The following NELFCD variants were observed in gnomAD, a reference collection of about 807,000 sequenced individuals.
NELFCD encodes the protein negative elongation factor C/D.
In NELFCD, 48 loss-of-function variants were observed where a neutral mutation model predicts 72.9. The ratio of observed to expected loss-of-function variants is 0.66; its 90% CI spans 0.52 to 0.84. The LOEUF (loss-of-function observed/expected upper bound fraction) is 0.84. Among genes scored for constraint, NELFCD ranks in the 40% least tolerant of loss-of-function variants. The pLI, the probability that NELFCD is intolerant of heterozygous loss-of-function variation, is 0.00. For missense variants in NELFCD, 538 were observed against 723.8 expected, an observed-to-expected ratio of 0.74 and a Z score of 2.94; for synonymous variants, 297 against 280.6, an observed-to-expected ratio of 1.06 and a Z score of -0.59.
chr20:58,986,597 C>T lies in NELFCD; in HGVS notation c.177-157C>T. 2 of 683,736 alleles carry T rather than the reference C, an allele frequency of 2.9e-6. No individual in the cohort carries two copies. The highest frequency in any genetic ancestry group is 3.2e-5 in the South Asian group (2 of 62,022). The allele number at this position is 683,736 out of a possible 1,614,324, so 42.4% of individuals were successfully genotyped here. ...GGCTCAAGTGATTCTCCCACCTCTGCCTCCCAAAGTGCTGGGATTACAGGT... is the reference window on the plus strand; with the variant it reads ...GGCTCAAGTGATTCTCCCACCTCTGTCTCCCAAAGTGCTGGGATTACAGGT... On this transcript the variant is annotated intron_variant, in intron 2 of 14. Coordinates refer to ENST00000652272, the MANE Select transcript of NELFCD (RefSeq NM_198976.4). The surrounding 1 kb of genome is among the most constrained non-coding windows in gnomAD (Gnocchi z 4.4).
intron 10 of NELFCD, 93 bp from the exon 11 acceptor site, chr20:58,992,905 T>C (rs1343111111): frequency 1.0e-5 from 9 of 891,474 alleles, no homozygotes; most frequent in Non-Finnish European, 1.7e-5. Flanking sequence ...GATGGAGTCA[T>C]TTGAGTTTGT....
chr20:58,988,422 G>C (rs1461239772), intron 4 of NELFCD, among the ~76,000 whole-genome samples: 2 of 152,200 alleles, frequency 1.3e-5, no homozygotes, highest in Non-Finnish European at 1.5e-5. Flanking sequence ...TCTGTGGCTG[G>C]GAGCAGCCTC....
chr20:58,993,936 GAC>G lies in NELFCD; in HGVS notation c.1582-169_1582-168del. On this transcript the variant is annotated intron_variant, in intron 13 of 14. Coordinates refer to ENST00000652272, the MANE Select transcript of NELFCD (RefSeq NM_198976.4). This position sits in a 1 kb window ranked among gnomAD's most constrained non-coding sequence, Gnocchi z 5.0. The stretch of plus-strand genomic sequence containing the variant: ...CACCTTCTGCCTGCAGCAGCTGTAT[GAC>G]ACACTTTACCTCCATTACCACCCTG... 1 of 1,068,202 alleles carries G rather than the reference GAC, an allele frequency of 9.4e-7. No homozygotes were observed. 66.2% of individuals were successfully genotyped at this position (1,068,202 alleles called of 1,614,324 possible).
At chr20:58,982,634 C>G (rs893294435) in intron 1 of NELFCD, among the ~76,000 whole-genome samples, 17 of 152,186 alleles carry the variant, frequency 1.1e-4, no homozygotes, top group African/African-American at 3.9e-4. Context: ...GTTTCTGGAA[C>G]TGAAAGAAGC....
intron 9 of NELFCD, 27 bp from the exon 10 acceptor site, chr20:58,991,854 C>G: frequency 1.9e-6 from 3 of 1,611,280 alleles, no homozygotes; most frequent in Non-Finnish European, 2.5e-6. Context: ...CCCTGTCAGG[C>G]TCACCAGCTT....
chr20:58,990,146 C>CAA, intron 7 of NELFCD, 158 bp downstream of exon 7: 1 of 972,744 alleles, frequency 1.0e-6, no homozygotes, highest in Non-Finnish European at 1.5e-6. Context: ...CCTGTAATCC[C>CAA]AGCACTTTGG....
At position 58,987,422 on chromosome 20, in the gene NELFCD, A is replaced by T. The variant is rs184300320; in HGVS notation, c.287-286A>T. 4.5e-5 allele frequency: 18 copies of T among 397,800 alleles called. No individual in the cohort carries two copies. The East Asian group carries it at 7.1e-4, about 16-fold the overall frequency. The allele number at this position is 397,800 out of a possible 1,614,324, so 24.6% of individuals were successfully genotyped here. On this transcript the variant is annotated intron_variant, in intron 3 of 14. Transcript: ENST00000652272. ...GGCAGGGATGTTTTTCCATCCCCCT[A>T]CCTGTTGCTGGGGCCATTTGTCTTT...
intron 1 of NELFCD, among the ~76,000 whole-genome samples, chr20:58,982,814 G>A (rs985332402): frequency 1.3e-5 from 2 of 152,184 alleles, no homozygotes; most frequent in Admixed American, 6.5e-5. Flanking sequence ...GAGGCTTAGG[G>A]TGGAGTGGAT....
At position 58,991,683 on chromosome 20, in the gene NELFCD, G is replaced by C. The variant is rs192335362; in HGVS notation, c.1090-198G>C. On this transcript the variant is annotated intron_variant, in intron 9 of 14. Transcript: ENST00000652272. ...GACTAAAGAAATGAAACTGATTTCC[G>C]TAAGACATGGACAAACACTAGTCTC... 6.7e-6 allele frequency: 5 copies of C among 742,432 alleles called. No individual in the cohort carries two copies. The African/African-American group carries it at 8.9e-5, about 13-fold the overall frequency. 46.0% of individuals were successfully genotyped at this position (742,432 alleles called of 1,614,324 possible). A position where few individuals can be genotyped will look rare whatever the true frequency, so the allele number is the denominator to read the frequency against.
At chr20:58,985,863 A>C (rs1242755131) in intron 1 of NELFCD, among the ~76,000 whole-genome samples, 1 of 152,162 alleles carries the variant, frequency 6.6e-6, no homozygotes, top group Non-Finnish European at 1.5e-5. Context: ...GTGAGCATGG[A>C]ACGCGGTTTG....
chr20:58,991,739 C>CT, intron 9 of NELFCD, 142 bp from the exon 10 acceptor site: 1 of 943,922 alleles, frequency 1.1e-6, no homozygotes, highest in Admixed American at 2.7e-5. Context: ...CACTGTGTGA[C>CT]TGTGAAGTTT....
At chr20:58,994,393 A>G (rs1372045012) in intron 14 of NELFCD, among the ~76,000 whole-genome samples, 154 bp downstream of exon 14, 2 of 151,920 alleles carry the variant, frequency 1.3e-5, no homozygotes. Flanking sequence ...GAGAAACCCC[A>G]TCTCTACTAA....
intron 1 of NELFCD, among the ~76,000 whole-genome samples, chr20:58,985,401 C>CT (rs965939188): frequency 9.7e-4 from 148 of 152,334 alleles, no homozygotes; most frequent in African/African-American, 2.9e-3. Flanking sequence ...AAAGCATCTG[C>CT]TTGTTAGTTA....
chr20:58,991,867 G>T lies in NELFCD; in HGVS notation c.1090-14G>T, dbSNP rs2146354957. 1 of 1,613,352 alleles carries T rather than the reference G, an allele frequency of 6.2e-7. No individual in the cohort carries two copies. The highest frequency in any genetic ancestry group is 1.1e-5 in the South Asian group (1 of 91,010). On this transcript the variant is annotated splice_polypyrimidine_tract_variant and intron_variant, in intron 9 of 14. Coordinates refer to ENST00000652272, the MANE Select transcript of NELFCD (RefSeq NM_198976.4). ...TGCCCTGTCAGGCTCACCAGCTTGT[G>T]TGTGTGTTTTCAGAACAAGCGAGTG... is the stretch of plus-strand genomic sequence containing the variant.
In NELFCD at chr20:58,981,354, G is replaced by A. The variant is rs759421524; in HGVS notation, c.45G>A (p.Glu15=). The change falls in exon 1 of 15, where the codon GAG becomes GAA. Residue 15 remains glutamate (E), a synonymous_variant. Coordinates refer to ENST00000652272, the MANE Select transcript of NELFCD (RefSeq NM_198976.4). ...GGAGCGCGGCCGAGTGGGGCGACGA[G>A]GCTGACGGCGGCCAGGTGAGGCGGG... is the stretch of plus-strand genomic sequence containing the variant. ...YYGSAAEWGD[E]ADGGQQEDDS... is the part of the protein sequence containing the mutation. 8.1e-6 allele frequency: 9 copies of A among 1,111,228 alleles called. No homozygotes were observed. The highest frequency in any genetic ancestry group is 5.0e-5 in the African/African-American group (3 of 60,042). 68.8% of individuals were successfully genotyped at this position (1,111,228 alleles called of 1,614,324 possible).
intron 13 of NELFCD, 38 bp from the exon 14 acceptor site, chr20:58,994,072 A>G: frequency 1.9e-6 from 3 of 1,606,664 alleles, no homozygotes; most frequent in African/African-American, 1.3e-5. Context: ...GCCCCGCACT[A>G]GTGTGCGGAA....
At position 58,986,696 on chromosome 20, in the gene NELFCD, T is replaced by C. The variant is rs921475914; in HGVS notation, c.177-58T>C. On this transcript the variant is annotated intron_variant, in intron 2 of 14. Transcript: ENST00000652272. This position sits in a 1 kb window ranked among gnomAD's most constrained non-coding sequence, Gnocchi z 4.4. The stretch of plus-strand genomic sequence containing the variant: ...CTGATTCTCTTCCTCCTTCCTTACC[T>C]TCCTGTTGTCCATCATTCCATTCAT... The C allele has an allele frequency of 1.0e-5, 12 of 1,175,164 alleles. No homozygotes were observed. The African/African-American group carries it at 1.8e-4, about 18-fold the overall frequency. The allele number at this position is 1,175,164 out of a possible 1,614,324, so 72.8% of individuals were successfully genotyped here.
chr20:58,981,829 A>G (rs1016053161), intron 1 of NELFCD, among the ~76,000 whole-genome samples: 2 of 152,242 alleles, frequency 1.3e-5, no homozygotes, highest in African/African-American at 4.8e-5. Flanking sequence ...GGGCATTCCT[A>G]CATGTGCTTT....
Position 58,989,571 on chromosome 20 carries a change from C to T in NELFCD, c.588C>T (p.Leu196=), listed in dbSNP as rs2091798491. 4 of 1,614,032 alleles carry T rather than the reference C, an allele frequency of 2.5e-6. No homozygotes were observed. Among genetic ancestry groups the T allele is most frequent in the Non-Finnish European group, 3.4e-6 (4 of 1,180,014 alleles). ...AGCTAGAAGTGTTCTCGAGAGTGCT[C>T]CGGACCTCTCTAGCTACAATTTTAG... ...CQQLEVFSRV[L]RTSLATILDG... Residue 196 remains leucine (L), a synonymous_variant, in exon 6 of 15, where the codon CTC becomes CTT. Coordinates refer to ENST00000652272, the MANE Select transcript of NELFCD (RefSeq NM_198976.4).
Sources: allele counts gnomAD v4.1 joint callset (sites outside exome capture counted in the v4.1 genomes callset), GRCh38; gene constraint gnomAD v4.1.1; non-coding constraint Gnocchi (gnomAD v3.1); transcripts MANE v1.5; gene names NCBI Gene and HGNC (gene_info 2026-07-23, HGNC 2026-07-21).